Variants in PRKCQ observed in about 807,000 individuals in gnomAD.
PRKCQ encodes protein kinase C theta type.
PRKCQ carries 41 observed loss-of-function variants against 91.2 expected under a neutral mutation model. The ratio of observed to expected loss-of-function variants is 0.45; its 90% confidence interval spans 0.35 to 0.58. PRKCQ has a LOEUF of 0.58. Among genes scored for constraint, PRKCQ ranks in the 20% least tolerant of loss-of-function variants. The probability of loss-of-function intolerance (pLI) is 0.00; values close to 1 mark genes in which losing one functional copy is unlikely to be tolerated. For missense variants in PRKCQ, 673 were observed against 896.5 expected (o/e 0.75, Z 3.18); for synonymous variants, 307 against 316.9 (o/e 0.97, Z 0.33).
At chr10:6,439,183 C>T (rs1296547671) in intron 16 of PRKCQ, among the ~76,000 whole-genome samples, 1 of 152,148 alleles carries the variant, frequency 6.6e-6, no homozygotes, top group Non-Finnish European at 1.5e-5. Flanking sequence ...CTGGCTCACA[C>T]CTTGTGATTC....
the PRKCQ span, among the ~76,000 whole-genome samples, chr10:6,407,758 C>T: frequency 6.6e-6 from 1 of 151,908 alleles, no homozygotes; most frequent in Admixed American, 6.6e-5. This position sits in a 1 kb window ranked among gnomAD's most constrained non-coding sequence, Gnocchi z 4.0. Context: ...CTCCATGGTC[C>T]CATTATCTAG....
chr10:6,483,213 A>G (rs181552119), intron 11 of PRKCQ, among the ~76,000 whole-genome samples: 6 of 152,300 alleles, frequency 3.9e-5, no homozygotes, highest in Non-Finnish European at 7.4e-5. Context: ...TGTGAGATGT[A>G]CACTCTCCAA....
chr10:6,481,551 C>A (rs4750523), intron 11 of PRKCQ, among the ~76,000 whole-genome samples: 37,546 of 152,132 alleles, frequency 0.25, 5,004 homozygotes, highest in Middle Eastern at 0.31. Context: ...AAAAGAATTC[C>A]TGAATATCAG....
chr10:6,509,034 C>T (rs755199757), intron 3 of PRKCQ, among the ~76,000 whole-genome samples: 5 of 152,056 alleles, frequency 3.3e-5, no homozygotes, highest in Non-Finnish European at 5.9e-5. Context: ...AACCTGTTGG[C>T]TCTTAAAATA....
intron 12 of PRKCQ, among the ~76,000 whole-genome samples, chr10:6,472,800 C>T (rs966797012): frequency 3.3e-5 from 5 of 152,136 alleles, no homozygotes; most frequent in African/African-American, 1.2e-4. Flanking sequence ...GCAACCTCCG[C>T]CCCATGGGTT....
At chr10:6,417,541 C>T in the PRKCQ span, among the ~76,000 whole-genome samples, 1 of 152,178 alleles carries the variant, frequency 6.6e-6, no homozygotes, top group Non-Finnish European at 1.5e-5. Flanking sequence ...GTTCGGAATG[C>T]GTGCGATCTA....
At chr10:6,441,491 C>T (rs1166040523) in intron 16 of PRKCQ, among the ~76,000 whole-genome samples, 1 of 151,322 alleles carries the variant, frequency 6.6e-6, no homozygotes, top group East Asian at 1.9e-4. Flanking sequence ...GTTTTGGAGA[C>T]AGGGGTCTCG....
the PRKCQ span, among the ~76,000 whole-genome samples, chr10:6,400,144 G>A: frequency 1.3e-5 from 2 of 152,144 alleles, no homozygotes; most frequent in Non-Finnish European, 2.9e-5. Flanking sequence ...TGGAGATGTC[G>A]GCTGCTGACT....
At chr10:6,455,781 T>C (rs1834969521) in intron 15 of PRKCQ, among the ~76,000 whole-genome samples, 1 of 152,230 alleles carries the variant, frequency 6.6e-6, no homozygotes, top group African/African-American at 2.4e-5. Context: ...ACATGAGATG[T>C]GACCACTGGG....
At chr10:6,483,704 A>T in intron 10 of PRKCQ, 104 bp from the exon 11 acceptor site, 6 of 1,352,440 alleles carry the variant, frequency 4.4e-6, no homozygotes, top group Non-Finnish European at 5.1e-6. Flanking sequence ...CTGAGGCTCC[A>T]TCATAGTAAT....
chr10:6,425,693 G>A (rs1286246702), downstream of PRKCQ, among the ~76,000 whole-genome samples: 1 of 152,098 alleles, frequency 6.6e-6, no homozygotes, highest in Non-Finnish European at 1.5e-5. Context: ...AAATGATGAG[G>A]CCTGTAATCC....
intron 15 of PRKCQ, among the ~76,000 whole-genome samples, chr10:6,450,105 G>C (rs1222284627): frequency 6.7e-6 from 1 of 148,600 alleles, no homozygotes; most frequent in Non-Finnish European, 1.5e-5. Context: ...AATGTAAATG[G>C]ACTAAATGCT....
intron 16 of PRKCQ, 64 bp from the exon 17 acceptor site, chr10:6,431,002 G>A (rs1282393876): frequency 2.5e-5 from 39 of 1,553,046 alleles, no homozygotes; most frequent in Non-Finnish European, 2.9e-5. Context: ...TCAGGAGGTC[G>A]TGGTGCTTCC....
At chr10:6,477,329 T>A (rs904618779) in intron 12 of PRKCQ, among the ~76,000 whole-genome samples, 26 of 152,384 alleles carry the variant, frequency 1.7e-4, no homozygotes, top group African/African-American at 6.0e-4. Context: ...GCACAGCATA[T>A]GCTCAGTAAG....
At chr10:6,489,336 A>G (rs1837137073) in intron 8 of PRKCQ, 1 of 484,152 alleles carries the variant, frequency 2.1e-6, no homozygotes, top group African/African-American at 2.0e-5. Context: ...TGTGACTTGC[A>G]TGGCCGCGAA....
At chr10:6,471,158 C>A (rs1026187395) in intron 12 of PRKCQ, among the ~76,000 whole-genome samples, 5 of 152,142 alleles carry the variant, frequency 3.3e-5, no homozygotes, top group African/African-American at 1.2e-4. Context: ...TTCTCTTCCG[C>A]TCCCCCCTGT....
chr10:6,454,902 G>C (rs978403727), intron 15 of PRKCQ, among the ~76,000 whole-genome samples: 1 of 152,204 alleles, frequency 6.6e-6, no homozygotes, highest in Non-Finnish European at 1.5e-5. Context: ...GCTGCAGAGA[G>C]AAGCAAGCTG....
the PRKCQ span, among the ~76,000 whole-genome samples, chr10:6,394,222 A>G: frequency 3.9e-5 from 6 of 152,186 alleles, no homozygotes; most frequent in Non-Finnish European, 8.8e-5. Flanking sequence ...CCTTGTGATT[A>G]CGACTTTGAC....
chr10:6,562,443 C>T (rs925049389), intron 1 of PRKCQ, among the ~76,000 whole-genome samples: 5 of 152,284 alleles, frequency 3.3e-5, no homozygotes, highest in Non-Finnish European at 7.4e-5. Context: ...CCAGCCAAGC[C>T]GACTGGATCT....
Sources: allele counts gnomAD v4.1 joint callset (sites outside exome capture counted in the v4.1 genomes callset), GRCh38; gene constraint gnomAD v4.1.1; non-coding constraint Gnocchi (gnomAD v3.1); transcripts MANE v1.5; gene names NCBI Gene and HGNC (gene_info 2026-07-23, HGNC 2026-07-21).